Variants in CDH10 observed in about 807,000 individuals in gnomAD.
The protein encoded by CDH10 is cadherin-10.
Under a neutral mutation model 73.1 loss-of-function variants are expected in CDH10, and 30 were observed. That is an observed-to-expected ratio of 0.41 (90% CI 0.31 to 0.56). CDH10 has a LOEUF of 0.56. Among genes scored for constraint, CDH10 ranks in the 20% least tolerant of loss-of-function variants. CDH10 has a pLI of 0.27. For missense variants in CDH10, 815 were observed against 973.7 expected (o/e 0.84, Z 2.17); for synonymous variants, 345 against 348.2 (o/e 0.99, Z 0.10).
intron 1 of CDH10, among the ~76,000 whole-genome samples, chr5:24,637,306 A>G (rs964825901): frequency 2.0e-5 from 3 of 151,996 alleles, no homozygotes; most frequent in African/African-American, 4.8e-5. Flanking sequence ...GAATAAATAA[A>G]ATGCTTTTGA....
chr5:24,511,605 A>C, intron 5 of CDH10, 91 bp from the exon 6 acceptor site: 1 of 656,918 alleles, frequency 1.5e-6, no homozygotes, highest in East Asian at 2.7e-5. Flanking sequence ...TCTCAATAGA[A>C]TAGCCAAAAG....
At chr5:24,583,647 T>C (rs930874501) in intron 2 of CDH10, among the ~76,000 whole-genome samples, 1 of 152,060 alleles carries the variant, frequency 6.6e-6, no homozygotes, top group African/African-American at 2.4e-5. Context: ...TATTCTTTTT[T>C]GTTTGTTTGT....
At chr5:24,512,311 A>AT (rs1341240947) in intron 5 of CDH10, among the ~76,000 whole-genome samples, 1 of 152,008 alleles carries the variant, frequency 6.6e-6, no homozygotes, top group African/African-American at 2.4e-5. Flanking sequence ...CCAAGCGTGT[A>AT]TTTTTTCATT....
At chr5:24,569,766 CT>C (rs112375331) in intron 2 of CDH10, among the ~76,000 whole-genome samples, 326 of 142,086 alleles carry the variant, frequency 2.3e-3, no homozygotes, top group Non-Finnish European at 2.4e-3. Context: ...CAAATGTGTG[CT>C]TTTTTTTTTT....
chr5:24,640,566 C>G (rs1046186354), intron 1 of CDH10, among the ~76,000 whole-genome samples: 1 of 150,780 alleles, frequency 6.6e-6, no homozygotes, highest in Non-Finnish European at 1.5e-5. Flanking sequence ...AAATTGAAAT[C>G]ATGTGATTTC....
At position 24,490,489 on chromosome 5, in the gene CDH10, A is replaced by C. The variant is rs561747095; in HGVS notation, c.1876+1087T>G. 1.4e-4 allele frequency among the ~76,000 whole-genome samples: 22 copies of C among 152,232 alleles called. 1 individual carries two copies. The South Asian group carries it at 4.3e-3, about 30-fold the overall frequency. ...TGAACTACATAAAAATCTAATCTTG[A>C]ATTATTCAATTCATTCATTTAATGA... On this transcript the variant is annotated intron_variant, in intron 11 of 11. Transcript: ENST00000264463.
chr5:24,621,675 A>G (rs367593595), intron 1 of CDH10, among the ~76,000 whole-genome samples: 2 of 152,304 alleles, frequency 1.3e-5, no homozygotes, highest in South Asian at 2.1e-4. Context: ...CTGAAGGAAA[A>G]AAGAGAAAGC....
At position 24,543,351 on chromosome 5, in the gene CDH10, ATAGT is replaced by A. The variant is rs766741873; in HGVS notation, c.232-5681_232-5678del. On this transcript the variant is annotated intron_variant, in intron 2 of 11. Coordinates refer to ENST00000264463, the MANE Select transcript of CDH10 (RefSeq NM_006727.5). ...GCACTACATTAGAATTATGTTTGTA[ATAGT>A]TAGACTAGTTTTTAGAAAGATAAAT... Among the ~76,000 whole-genome samples, 8 of 152,334 alleles carry A rather than the reference ATAGT, an allele frequency of 5.3e-5. No individual in the cohort carries two copies. The East Asian group carries it at 5.8e-4, about 11-fold the overall frequency.
At chr5:24,496,050 A>T (rs968523406) in intron 9 of CDH10, among the ~76,000 whole-genome samples, 8 of 152,126 alleles carry the variant, frequency 5.3e-5, no homozygotes, top group African/African-American at 1.9e-4. Flanking sequence ...ATTTAAAGTG[A>T]CAAAACTGGT....
intron 1 of CDH10, among the ~76,000 whole-genome samples, chr5:24,606,531 A>C (rs1579465181): frequency 6.6e-6 from 1 of 152,066 alleles, no homozygotes; most frequent in African/African-American, 2.4e-5. Flanking sequence ...GAATCGCTTC[A>C]ACCTGGGAGG....
intron 2 of CDH10, among the ~76,000 whole-genome samples, chr5:24,568,893 C>A (rs1008151568): frequency 6.6e-5 from 10 of 151,954 alleles, no homozygotes; most frequent in Non-Finnish European, 4.4e-5. Flanking sequence ...GGGTGGATCA[C>A]GAGGTCAGGA....
intron 2 of CDH10, among the ~76,000 whole-genome samples, chr5:24,562,811 T>TA (rs1745007010): frequency 7.5e-6 from 1 of 133,398 alleles, no homozygotes; most frequent in Admixed American, 7.7e-5. Context: ...TGGAAAAAAA[T>TA]ACCTTTTTTT....
intron 5 of CDH10, among the ~76,000 whole-genome samples, chr5:24,515,571 T>C (rs1325425250): frequency 1.3e-5 from 2 of 152,232 alleles, no homozygotes; most frequent in African/African-American, 4.8e-5. Flanking sequence ...ACTATTCTAA[T>C]CATTTTACTA....
At chr5:24,503,620 A>G (rs1261189275) in intron 8 of CDH10, among the ~76,000 whole-genome samples, 2 of 152,196 alleles carry the variant, frequency 1.3e-5, no homozygotes, top group Non-Finnish European at 2.9e-5. Flanking sequence ...ATCAGGTTTT[A>G]GTGAATAAAA....
intron 8 of CDH10, among the ~76,000 whole-genome samples, chr5:24,501,969 A>G (rs1742514580): frequency 6.6e-6 from 1 of 151,678 alleles, no homozygotes; most frequent in South Asian, 2.1e-4. Context: ...CCCTGGCTGC[A>G]GTGCAGTGGC....
chr5:24,621,634 C>A (rs886397534), intron 1 of CDH10, among the ~76,000 whole-genome samples: 4 of 152,134 alleles, frequency 2.6e-5, no homozygotes, highest in African/African-American at 9.7e-5. Flanking sequence ...TCTGGGGAAG[C>A]CTTCCTGAAA....
At chr5:24,535,583 T>G in intron 4 of CDH10, 120 bp downstream of exon 4, 1 of 863,572 alleles carries the variant, frequency 1.2e-6, no homozygotes, top group Non-Finnish European at 1.8e-6. Context: ...TTAAGTGTTG[T>G]GTCTTCACTC....
chr5:24,592,921 T>TATAC (rs1554024020), intron 2 of CDH10, among the ~76,000 whole-genome samples: 1 of 144,326 alleles, frequency 6.9e-6, no homozygotes, highest in African/African-American at 2.6e-5. Context: ...TATATATATA[T>TATAC]ACACATATGT....
intron 1 of CDH10, among the ~76,000 whole-genome samples, chr5:24,626,859 T>A (rs1360355540): frequency 1.6e-5 from 2 of 123,214 alleles, no homozygotes; most frequent in Non-Finnish European, 3.5e-5. Flanking sequence ...TAAGTGTATA[T>A]ATATGTGTAT....
Sources: allele counts gnomAD v4.1 joint callset (sites outside exome capture counted in the v4.1 genomes callset), GRCh38; gene constraint gnomAD v4.1.1; transcripts MANE v1.5; gene names NCBI Gene and HGNC (gene_info 2026-07-23, HGNC 2026-07-21).